Variants in CCDC146 observed in about 807,000 individuals in gnomAD.
The protein encoded by CCDC146 is coiled-coil domain containing 146.
Under a neutral mutation model 119.3 loss-of-function variants are expected in CCDC146, and 92 were observed. The observed-to-expected ratio is 0.77, with a 90% CI of 0.65 to 0.92. The LOEUF (loss-of-function observed/expected upper bound fraction) is 0.92. Among genes scored for constraint, CCDC146 ranks in the 40% least tolerant of loss-of-function variants. The pLI, the probability that CCDC146 is intolerant of heterozygous loss-of-function variation, is 0.00. For synonymous variants in CCDC146, 372 were observed against 371.8 expected, an observed-to-expected ratio of 1.00 and a Z score of -0.01; for missense variants, 1,000 against 1,103.0, an observed-to-expected ratio of 0.91 and a Z score of 1.32.
intron 5 of CCDC146, chr7:77,255,622 A>C (rs1359901167): frequency 6.6e-6 from 1 of 152,206 alleles, no homozygotes; most frequent in African/African-American, 2.4e-5. Flanking sequence ...TGGTGGGAGG[A>C]GGGAGCTATG....
At chr7:77,266,066 C>T (rs1390634142) in intron 9 of CCDC146, among the ~76,000 whole-genome samples, 2 of 152,120 alleles carry the variant, frequency 1.3e-5, no homozygotes, top group Non-Finnish European at 2.9e-5. Flanking sequence ...TTCCACGTGG[C>T]ACTGAAAAGA....
intron 17 of CCDC146, among the ~76,000 whole-genome samples, chr7:77,289,539 C>A (rs1054993508): frequency 6.6e-6 from 1 of 152,154 alleles, no homozygotes; most frequent in Admixed American, 6.5e-5. Context: ...AGAAAATGAC[C>A]TTGAGAAAGA....
At chr7:77,211,963 C>T (rs1291232355) in intron 2 of CCDC146, among the ~76,000 whole-genome samples, 1 of 152,140 alleles carries the variant, frequency 6.6e-6, no homozygotes, top group Non-Finnish European at 1.5e-5. Context: ...CAATGTCATG[C>T]TTAATTGTGA....
chr7:77,200,413 T>G (rs1223787641), intron 2 of CCDC146, among the ~76,000 whole-genome samples: 1 of 152,266 alleles, frequency 6.6e-6, no homozygotes, highest in Non-Finnish European at 1.5e-5. Context: ...AAAAAAGTGC[T>G]ACTTTCTATT....
At chr7:77,274,772 G>A (rs141976639) in intron 11 of CCDC146, 120 bp downstream of exon 11, 120 of 767,238 alleles carry the variant, frequency 1.6e-4, no homozygotes, top group East Asian at 1.4e-4. Flanking sequence ...GCAAACTATC[G>A]CAAGGACAAA....
intron 2 of CCDC146, among the ~76,000 whole-genome samples, chr7:77,236,550 A>G (rs750481469): frequency 2.6e-5 from 4 of 152,224 alleles, no homozygotes; most frequent in Non-Finnish European, 5.9e-5. Context: ...GAAATAACTG[A>G]TGGGCAACAC....
intron 1 of CCDC146, among the ~76,000 whole-genome samples, chr7:77,129,717 A>G (rs1790754786): frequency 6.6e-6 from 1 of 152,072 alleles, no homozygotes; most frequent in Non-Finnish European, 1.5e-5. Context: ...CGAATTTTTC[A>G]ATTATTATAA....
chr7:77,147,216 T>C (rs1791034941), intron 1 of CCDC146, among the ~76,000 whole-genome samples: 1 of 152,234 alleles, frequency 6.6e-6, no homozygotes, highest in African/African-American at 2.4e-5. Context: ...TACTGAAGCT[T>C]GTGCATTCAT....
intron 2 of CCDC146, among the ~76,000 whole-genome samples, chr7:77,207,619 A>G (rs1326280349): frequency 6.6e-6 from 1 of 152,210 alleles, no homozygotes; most frequent in African/African-American, 2.4e-5. Flanking sequence ...ATAGAAAGAT[A>G]TAATAGAATG....
intron 2 of CCDC146, among the ~76,000 whole-genome samples, chr7:77,168,196 T>C (rs538749822): frequency 3.9e-5 from 6 of 152,256 alleles, no homozygotes; most frequent in African/African-American, 1.4e-4. Flanking sequence ...AGAATATATA[T>C]TTACCTAGCT....
chr7:77,162,243 T>C (rs1368454620), intron 1 of CCDC146, among the ~76,000 whole-genome samples: 2 of 152,078 alleles, frequency 1.3e-5, no homozygotes, highest in Non-Finnish European at 2.9e-5. Flanking sequence ...AAGGACTTTT[T>C]TCCTATGTTT....
intron 1 of CCDC146, among the ~76,000 whole-genome samples, chr7:77,145,322 G>A (rs1011184229): frequency 2.6e-5 from 4 of 151,372 alleles, no homozygotes; most frequent in Admixed American, 1.3e-4. Flanking sequence ...TTCTTTATTA[G>A]TCTTGCTAGT....
intron 1 of CCDC146, among the ~76,000 whole-genome samples, chr7:77,135,455 AAAAG>A (rs1357576667): frequency 6.6e-6 from 1 of 152,178 alleles, no homozygotes; most frequent in Non-Finnish European, 1.5e-5. Context: ...ACTGAAAAAA[AAAAG>A]AGAGAGAAAG....
intron 2 of CCDC146, among the ~76,000 whole-genome samples, chr7:77,235,070 T>G (rs1792709340): frequency 6.6e-6 from 1 of 152,214 alleles, no homozygotes; most frequent in African/African-American, 2.4e-5. Flanking sequence ...TTCATTCATT[T>G]GCTAACAAAT....
chr7:77,273,598 G>A, intron 9 of CCDC146, 96 bp from the exon 10 acceptor site: 2 of 774,232 alleles, frequency 2.6e-6, no homozygotes, highest in South Asian at 1.6e-5. Flanking sequence ...TCAGCTCACT[G>A]CAACTTCTGC....
At chr7:77,168,277 T>C (rs554817898) in intron 2 of CCDC146, among the ~76,000 whole-genome samples, 6 of 152,062 alleles carry the variant, frequency 3.9e-5, no homozygotes, top group African/African-American at 1.4e-4. Context: ...AAGGGGAATA[T>C]GATGAATTAT....
chr7:77,171,168 A>G (rs984128649), intron 2 of CCDC146, among the ~76,000 whole-genome samples: 22 of 152,150 alleles, frequency 1.4e-4, no homozygotes, highest in Non-Finnish European at 4.4e-5. Flanking sequence ...CTCAACACAC[A>G]CTTATGATGT....
At chr7:77,146,571 T>C (rs1254929027) in intron 1 of CCDC146, among the ~76,000 whole-genome samples, 1 of 152,202 alleles carries the variant, frequency 6.6e-6, no homozygotes, top group East Asian at 1.9e-4. Flanking sequence ...CCATGTTTAG[T>C]GCTTCCTTCA....
intron 1 of CCDC146, among the ~76,000 whole-genome samples, chr7:77,154,866 G>A (rs1327683729): frequency 6.6e-6 from 1 of 151,968 alleles, no homozygotes; most frequent in African/African-American, 2.4e-5. Flanking sequence ...CTAGATCCTT[G>A]AGGAATCGCC....
Sources: allele counts gnomAD v4.1 joint callset (sites outside exome capture counted in the v4.1 genomes callset), GRCh38; gene constraint gnomAD v4.1.1; transcripts MANE v1.5; gene names NCBI Gene and HGNC (gene_info 2026-07-23, HGNC 2026-07-21).